SLC38A6: variants seen among roughly 807,000 people sequenced by gnomAD.
The protein encoded by SLC38A6 is solute carrier family 38 member 6.
Under a neutral mutation model 65.0 loss-of-function variants are expected in SLC38A6, and 73 were observed. That is an observed-to-expected ratio of 1.12 (90% CI 0.93 to 1.37). The LOEUF (loss-of-function observed/expected upper bound fraction) is 1.37, where lower values mean the gene tolerates loss of function less well. Ranked by LOEUF, SLC38A6 falls within the 40% of genes most tolerant of loss-of-function variation. SLC38A6 has a pLI of 0.00. For synonymous variants in SLC38A6, 183 were observed against 178.8 expected (o/e 1.02, Z -0.19); for missense variants, 561 against 531.1 (o/e 1.06, Z -0.55).
In SLC38A6 at chr14:61,035,722, G is replaced by A. The variant is rs116853823; in HGVS notation, c.483-1337G>A. On this transcript the variant is annotated intron_variant, in intron 6 of 15. Transcript: ENST00000267488. Reference sequence around the variant, plus strand: ...CATTATTTCTTTAATTAGCACCAGTGATTGGATTTTCTTCATGTGTATTTA... The same window carrying A: ...CATTATTTCTTTAATTAGCACCAGTAATTGGATTTTCTTCATGTGTATTTA... Among the ~76,000 whole-genome samples, 266 of 152,226 alleles carry A rather than the reference G, an allele frequency of 1.7e-3. No individual in the cohort carries two copies. In the East Asian group the frequency reaches 0.028, roughly 16 times the overall value.
intron 3 of SLC38A6, among the ~76,000 whole-genome samples, chr14:61,010,763 C>A (rs2039499204): frequency 6.6e-6 from 1 of 152,146 alleles, no homozygotes; most frequent in South Asian, 2.1e-4. Flanking sequence ...GGTACCAGTA[C>A]CGTGCTGTTT....
rs150568487 is a variant in SLC38A6 at position 61,083,560 on chromosome 14, G to C, written c.1414G>C (p.Asp472His). ...TGGTGTTCTTGTAAGAAAAGGAAGA[G>C]ATACCATGGAGATGTGCACCCAGAG... Residue 472 changes from aspartate to histidine, a missense_variant, in exon 17 of 17, where the codon GAT (aspartate) becomes CAT (histidine). By Grantham distance (81) the Asp-to-His change is moderately conservative. Transcript: ENST00000354886. The C allele has an allele frequency of 1.0e-3, 1,616 of 1,549,932 alleles. 20 individuals are homozygous for C. The African/African-American group carries it at 0.018, about 17-fold the overall frequency.
rs529366888 is a variant in SLC38A6, at chr14:61,062,143, T to A, written c.1290+10008T>A. Among the ~76,000 whole-genome samples the A allele has an allele frequency of 3.3e-5, 5 of 152,348 alleles. No individual in the cohort carries two copies. The South Asian group carries it at 8.3e-4, about 25-fold the overall frequency. ...ACGATGCCCAGCCCCTGTGTAGGTT[T>A]TTATGTAGACATAATTTGCAGCTTA... On this transcript the variant is annotated intron_variant, in intron 15 of 16. Coordinates refer to the SLC38A6 transcript ENST00000354886.
chr14:61,033,233 C>T (rs2041123943), intron 6 of SLC38A6, among the ~76,000 whole-genome samples: 1 of 151,872 alleles, frequency 6.6e-6, no homozygotes, highest in Non-Finnish European at 1.5e-5. Context: ...TGTTCCATTC[C>T]TTTCGAGAAT....
intron 5 of SLC38A6, among the ~76,000 whole-genome samples, chr14:61,024,330 A>G (rs990922215): frequency 2.0e-5 from 3 of 152,216 alleles, no homozygotes; most frequent in African/African-American, 4.8e-5. Context: ...TACTACTTAA[A>G]AGCAATTCCT....
In SLC38A6 at chr14:61,061,881, A is replaced by C. The variant is rs549695747; in HGVS notation, c.1290+9746A>C. ...GAGACAGAGTCTTACTCTGTCACCTAGGCTGGAGTGCAATGGTGTGATCTC... is the reference window on the plus strand; with the variant it reads ...GAGACAGAGTCTTACTCTGTCACCTCGGCTGGAGTGCAATGGTGTGATCTC... On this transcript the variant is annotated intron_variant, in intron 15 of 16. Coordinates refer to the SLC38A6 transcript ENST00000354886. 5.3e-5 allele frequency among the ~76,000 whole-genome samples: 8 copies of C among 152,242 alleles called. No individual in the cohort carries two copies. In the South Asian group the frequency reaches 1.7e-3, roughly 32 times the overall value.
At chr14:61,046,217 G>A (rs2042138973) in intron 12 of SLC38A6, 50 bp downstream of exon 12, 2 of 1,209,168 alleles carry the variant, frequency 1.7e-6, no homozygotes, top group Non-Finnish European at 2.4e-6. Flanking sequence ...TACATAGATG[G>A]CCTCACGCCA....
At chr14:61,080,902 C>T (rs985017703) in intron 16 of SLC38A6, among the ~76,000 whole-genome samples, 2 of 152,192 alleles carry the variant, frequency 1.3e-5, no homozygotes, top group African/African-American at 2.4e-5. Flanking sequence ...ATGTCACACA[C>T]GCATTGTCAG....
At chr14:61,034,476 C>G (rs771056503) in intron 6 of SLC38A6, among the ~76,000 whole-genome samples, 1 of 152,114 alleles carries the variant, frequency 6.6e-6, no homozygotes, top group Non-Finnish European at 1.5e-5. Flanking sequence ...CAGATGGAAT[C>G]TCCTTTGGTA....
At chr14:61,080,293 G>A (rs571114224) in intron 16 of SLC38A6, among the ~76,000 whole-genome samples, 3 of 152,052 alleles carry the variant, frequency 2.0e-5, no homozygotes, top group African/African-American at 4.8e-5. Context: ...GTGTTCTCTA[G>A]AGCTGGCGTG....
intron 6 of SLC38A6, among the ~76,000 whole-genome samples, chr14:61,032,888 T>C (rs947288343): frequency 6.6e-6 from 1 of 151,912 alleles, no homozygotes; most frequent in Non-Finnish European, 1.5e-5. Context: ...TTAATTAAGA[T>C]CTTTCAGGTA....
At chr14:61,061,373 A>G (rs2042834895) in intron 15 of SLC38A6, among the ~76,000 whole-genome samples, 1 of 152,234 alleles carries the variant, frequency 6.6e-6, no homozygotes, top group Admixed American at 6.5e-5. Flanking sequence ...AATGTTCATC[A>G]AAGATATTGA....
At chr14:61,013,640 A>G (rs2039758733) in intron 3 of SLC38A6, among the ~76,000 whole-genome samples, 1 of 152,170 alleles carries the variant, frequency 6.6e-6, no homozygotes, top group Non-Finnish European at 1.5e-5. Flanking sequence ...TCCTTCACTT[A>G]TGAAGCTTAG....
intron 1 of SLC38A6, 193 bp from the exon 2 acceptor site, chr14:60,982,315 G>A: frequency 1.5e-6 from 1 of 683,430 alleles, no homozygotes; most frequent in Non-Finnish European, 2.6e-6. Context: ...AGAAACCCTA[G>A]ATTCCTGGAG....
At chr14:61,023,818 A>G (rs1282523136) in intron 5 of SLC38A6, among the ~76,000 whole-genome samples, 1 of 152,022 alleles carries the variant, frequency 6.6e-6, no homozygotes, top group Non-Finnish European at 1.5e-5. Flanking sequence ...TATTTGTTTC[A>G]TGTGTCTTTC....
intron 3 of SLC38A6, among the ~76,000 whole-genome samples, chr14:61,005,679 A>C (rs2039053963): frequency 6.6e-6 from 1 of 152,222 alleles, no homozygotes; most frequent in African/African-American, 2.4e-5. Context: ...AATGAAATAA[A>C]AGAAGATACA....
chr14:61,033,187 G>A (rs1260791635), intron 6 of SLC38A6, among the ~76,000 whole-genome samples: 2 of 151,972 alleles, frequency 1.3e-5, no homozygotes, highest in Admixed American at 6.6e-5. Context: ...GATATGGGAT[G>A]TGAGTAAGAT....
intron 15 of SLC38A6, 102 bp from the exon 16 acceptor site, chr14:61,052,247 C>A: frequency 8.0e-7 from 1 of 1,244,414 alleles, no homozygotes; most frequent in Non-Finnish European, 1.1e-6. Flanking sequence ...ATATAGAATA[C>A]ATTATTGCAG....
At chr14:61,062,896 C>G (rs1008818547) in intron 15 of SLC38A6, among the ~76,000 whole-genome samples, 3 of 152,140 alleles carry the variant, frequency 2.0e-5, no homozygotes, top group Non-Finnish European at 4.4e-5. Context: ...CCAGGCTGGT[C>G]GCAAACTCCT....
Sources: allele counts gnomAD v4.1 joint callset (sites outside exome capture counted in the v4.1 genomes callset), GRCh38; gene constraint gnomAD v4.1.1; transcripts MANE v1.5; gene names NCBI Gene and HGNC (gene_info 2026-07-23, HGNC 2026-07-21).